The following SH3RF1 variants were observed in gnomAD, a reference collection of about 807,000 sequenced individuals.
SH3RF1 encodes E3 ubiquitin-protein ligase SH3RF1.
SH3RF1 carries 32 observed loss-of-function variants against 74.0 expected under a neutral mutation model. The observed-to-expected ratio is 0.43, with a 90% CI of 0.33 to 0.58. The LOEUF (loss-of-function observed/expected upper bound fraction) is 0.58, where lower values mean the gene tolerates loss of function less well. Among genes scored for constraint, SH3RF1 ranks in the 20% least tolerant of loss-of-function variants. The probability of loss-of-function intolerance (pLI) is 0.05; values close to 1 mark genes in which losing one functional copy is unlikely to be tolerated. For missense variants in SH3RF1, 954 were observed against 1,130.9 expected (o/e 0.84, Z 2.24); for synonymous variants, 396 against 439.6 (o/e 0.90, Z 1.24).
intron 11 of SH3RF1, among the ~76,000 whole-genome samples, chr4:169,101,260 T>A (rs1211929644): frequency 6.6e-6 from 1 of 152,198 alleles, no homozygotes. Context: ...AACTGTTTTT[T>A]AAAATGTACA....
At chr4:169,129,551 C>T (rs952458364) in intron 6 of SH3RF1, among the ~76,000 whole-genome samples, 1 of 152,222 alleles carries the variant, frequency 6.6e-6, no homozygotes, top group Non-Finnish European at 1.5e-5. Context: ...CCTTCCAAGA[C>T]TGAAGGTGCC....
At chr4:169,162,322 T>A (rs116740420) in intron 2 of SH3RF1, among the ~76,000 whole-genome samples, 2,629 of 152,340 alleles carry the variant, frequency 0.017, 27 homozygotes, top group Non-Finnish European at 0.026. Flanking sequence ...GATATCTACA[T>A]CAGATAATCA....
At chr4:169,120,323 G>C (rs1398203982) in intron 8 of SH3RF1, among the ~76,000 whole-genome samples, 1 of 152,158 alleles carries the variant, frequency 6.6e-6, no homozygotes, top group Non-Finnish European at 1.5e-5. Flanking sequence ...AGATCACCAG[G>C]GTTTGAGTTT....
intron 2 of SH3RF1, among the ~76,000 whole-genome samples, chr4:169,227,872 A>G (rs1730676313): frequency 6.6e-6 from 1 of 152,190 alleles, no homozygotes; most frequent in African/African-American, 2.4e-5. Flanking sequence ...AGTTTATTGC[A>G]TTTTTCAATT....
chr4:169,096,592 C>A lies in SH3RF1; in HGVS notation c.2594G>T (p.Gly865Val). The A allele has an allele frequency of 6.2e-7, 1 of 1,614,126 alleles. No homozygotes were observed. The highest frequency in any genetic ancestry group is 8.5e-7 in the Non-Finnish European group (1 of 1,180,008). Residue 865 changes from glycine (G) to valine (V), a missense_variant, in exon 12 of 12, where the codon GGC (glycine) becomes GTC (valine). By Grantham distance (109) the Gly-to-Val change is moderately radical. Around this residue, in one of 3 missense-constraint regions of SH3RF1, gnomAD observed 36 missense variants for 66.5 expected, o/e 0.54. Transcript: ENST00000284637. ...IVFVHKKRED[G>V]WFKGTLQRNG... ...ACGTTGTAATGTGCCTTTGAACCAGCCATCCTCTCGTTTTTTATGAACAAA... is the reference window on the plus strand; with the variant it reads ...ACGTTGTAATGTGCCTTTGAACCAGACATCCTCTCGTTTTTTATGAACAAA...
At chr4:169,235,492 A>G (rs1288542860) in intron 2 of SH3RF1, among the ~76,000 whole-genome samples, 4 of 152,320 alleles carry the variant, frequency 2.6e-5, no homozygotes, top group Non-Finnish European at 5.9e-5. Flanking sequence ...CAACTGAAGC[A>G]CAGAACGGTT....
At chr4:169,198,031 G>A (rs1483110911) in intron 2 of SH3RF1, among the ~76,000 whole-genome samples, 1 of 152,102 alleles carries the variant, frequency 6.6e-6, no homozygotes, top group Non-Finnish European at 1.5e-5. Context: ...AAATGTAAAG[G>A]CTTCATAATA....
At chr4:169,139,610 T>C (rs932914660) in intron 4 of SH3RF1, among the ~76,000 whole-genome samples, 12 of 152,234 alleles carry the variant, frequency 7.9e-5, no homozygotes, top group Admixed American at 7.9e-4. Context: ...TCTAGTTATG[T>C]GTCTTTTGGT....
At chr4:169,195,289 T>C (rs1334670454) in intron 2 of SH3RF1, among the ~76,000 whole-genome samples, 2 of 152,226 alleles carry the variant, frequency 1.3e-5, no homozygotes, top group Non-Finnish European at 2.9e-5. Flanking sequence ...CTACTACTAC[T>C]GGTTATAATT....
At chr4:169,249,003 A>AGGTG (rs1156808343) in intron 2 of SH3RF1, among the ~76,000 whole-genome samples, 6 of 152,174 alleles carry the variant, frequency 3.9e-5, no homozygotes, top group African/African-American at 1.4e-4. Flanking sequence ...CGAGGTGGGC[A>AGGTG]GATCACGAGG....
chr4:169,127,320 A>C (rs34842019), intron 6 of SH3RF1, among the ~76,000 whole-genome samples: 9,165 of 152,310 alleles, frequency 0.06, 426 homozygotes, highest in African/African-American at 0.13. Context: ...TACTGGTGGC[A>C]TTTATTGCCT....
rs563750637 is a variant in SH3RF1, at chr4:169,120,187, G to A, written c.1517+632C>T. Among the ~76,000 whole-genome samples the A allele has an allele frequency of 1.4e-4, 21 of 152,246 alleles. 1 individual carries two copies. The South Asian group carries it at 4.4e-3, about 32-fold the overall frequency. ...TGGATATTGTCAAATGTTCCCTGGG[G>A]AGCAAAACTGCCCTCAGTTGAGAAG... is the stretch of plus-strand genomic sequence containing the variant. On this transcript the variant is annotated intron_variant, in intron 8 of 11. Transcript: ENST00000284637.
intron 4 of SH3RF1, among the ~76,000 whole-genome samples, chr4:169,154,903 C>T (rs1734027598): frequency 6.6e-6 from 1 of 152,148 alleles, no homozygotes. Flanking sequence ...TATGTGACTA[C>T]ACATACTCTC....
At chr4:169,139,253 A>T (rs1397179220) in intron 4 of SH3RF1, among the ~76,000 whole-genome samples, 1 of 152,192 alleles carries the variant, frequency 6.6e-6, no homozygotes, top group Non-Finnish European at 1.5e-5. Flanking sequence ...CTGAGCACCA[A>T]TTATGTGCTG....
At position 169,252,134 on chromosome 4, in the gene SH3RF1, G is replaced by A. The variant is rs112741265; in HGVS notation, c.393+16686C>T. On this transcript the variant is annotated intron_variant, in intron 2 of 11. Coordinates refer to ENST00000284637, the MANE Select transcript of SH3RF1 (RefSeq NM_020870.4). ...TCAGGTTGCACTTAAGAGGGCCTGCGTTTTCACATTTTATAGCATGTTGAG... is the reference window on the plus strand; with the variant it reads ...TCAGGTTGCACTTAAGAGGGCCTGCATTTTCACATTTTATAGCATGTTGAG... Among the ~76,000 whole-genome samples, 7 of 152,242 alleles carry A rather than the reference G, an allele frequency of 4.6e-5. 1 individual carries two copies. The highest frequency in any genetic ancestry group is 4.1e-4 in the South Asian group (2 of 4,822).
At chr4:169,148,570 C>T (rs534243120) in intron 4 of SH3RF1, among the ~76,000 whole-genome samples, 1 of 152,206 alleles carries the variant, frequency 6.6e-6, no homozygotes, top group South Asian at 2.1e-4. Context: ...GAAATAAAAT[C>T]ATTAAAAATA....
chr4:169,258,450 T>C (rs149623945), intron 2 of SH3RF1, among the ~76,000 whole-genome samples: 1 of 152,252 alleles, frequency 6.6e-6, no homozygotes, highest in East Asian at 1.9e-4. Flanking sequence ...AGACTTGTTT[T>C]ACAAAAATGA....
chr4:169,261,402 A>G (rs112743893), intron 2 of SH3RF1, among the ~76,000 whole-genome samples: 1,546 of 152,284 alleles, frequency 0.01, 34 homozygotes, highest in African/African-American at 0.035. Context: ...CCCCTGCTAA[A>G]AGCAACATGA....
At chr4:169,263,520 G>A (rs995538846) in intron 2 of SH3RF1, among the ~76,000 whole-genome samples, 1 of 152,226 alleles carries the variant, frequency 6.6e-6, no homozygotes, top group African/African-American at 2.4e-5. Flanking sequence ...ACAGCTGGCA[G>A]TTGCTTTCCA....
Sources: allele counts gnomAD v4.1 joint callset (sites outside exome capture counted in the v4.1 genomes callset), GRCh38; gene constraint gnomAD v4.1.1; regional missense constraint gnomAD v4.1.1; transcripts MANE v1.5; gene names NCBI Gene and HGNC (gene_info 2026-07-23, HGNC 2026-07-21).